Variants in EBF1 observed in about 807,000 individuals in gnomAD.
EBF1 encodes the protein transcription factor COE1.
In EBF1, 10 loss-of-function variants were observed where a neutral mutation model predicts 68.4. That is an observed-to-expected ratio of 0.15 (90% CI 0.09 to 0.25). The LOEUF (loss-of-function observed/expected upper bound fraction) is 0.25. Ranked by LOEUF, EBF1 falls within the 10% of genes least tolerant of loss-of-function variation. EBF1 has a pLI of 1.00. For synonymous variants in EBF1, 298 were observed against 299.8 expected (o/e 0.99, Z 0.06); for missense variants, 509 against 794.4 (o/e 0.64, Z 4.32).
At chr5:158,737,668 G>C (rs1765507121) in intron 10 of EBF1, among the ~76,000 whole-genome samples, 1 of 152,106 alleles carries the variant, frequency 6.6e-6, no homozygotes, top group African/African-American at 2.4e-5. Flanking sequence ...AGGAAGCAAG[G>C]CCTCTCTACC....
At chr5:159,041,851 T>G (rs1771257459) in intron 6 of EBF1, among the ~76,000 whole-genome samples, 1 of 152,198 alleles carries the variant, frequency 6.6e-6, no homozygotes, top group African/African-American at 2.4e-5. Flanking sequence ...AAATATTGCT[T>G]ATGATTGACA....
At chr5:158,820,038 G>A (rs948806683) in intron 8 of EBF1, among the ~76,000 whole-genome samples, 1 of 152,060 alleles carries the variant, frequency 6.6e-6, no homozygotes, top group Non-Finnish European at 1.5e-5. Context: ...TGTAAAGCAC[G>A]ATCTCTGTCT....
intron 6 of EBF1, among the ~76,000 whole-genome samples, chr5:159,060,529 C>T (rs1038066469): frequency 7.9e-5 from 12 of 152,180 alleles, no homozygotes; most frequent in Non-Finnish European, 1.8e-4. Context: ...ACAAACTATT[C>T]TCATAACCGA....
At chr5:158,841,577 A>G (rs1790339837) in intron 6 of EBF1, among the ~76,000 whole-genome samples, 2 of 152,174 alleles carry the variant, frequency 1.3e-5, no homozygotes, top group African/African-American at 4.8e-5. Flanking sequence ...CCCCATCTCA[A>G]CACAAATAGA....
At chr5:158,819,964 G>T (rs1259199856) in intron 8 of EBF1, among the ~76,000 whole-genome samples, 1 of 152,032 alleles carries the variant, frequency 6.6e-6, no homozygotes, top group Admixed American at 6.6e-5. Flanking sequence ...TGAATTACAG[G>T]GTCATTTATC....
intron 6 of EBF1, among the ~76,000 whole-genome samples, chr5:158,843,145 G>A (rs2127975689): frequency 6.6e-6 from 1 of 152,104 alleles, no homozygotes; most frequent in East Asian, 1.9e-4. Context: ...CCCTTAAGAG[G>A]GCCCCCTGCT....
chr5:158,921,292 A>G (rs1808381994), intron 6 of EBF1, among the ~76,000 whole-genome samples: 1 of 152,198 alleles, frequency 6.6e-6, no homozygotes, highest in Non-Finnish European at 1.5e-5. Context: ...TGAAATCTAC[A>G]CCTTATTCTG....
chr5:158,967,196 C>T (rs1174138454), intron 6 of EBF1, among the ~76,000 whole-genome samples: 1 of 152,210 alleles, frequency 6.6e-6, no homozygotes, highest in Admixed American at 6.5e-5. Flanking sequence ...GTGCTGGGCA[C>T]TGTACATGCA....
chr5:158,988,730 G>C (rs1319104719), intron 6 of EBF1, among the ~76,000 whole-genome samples: 3 of 152,140 alleles, frequency 2.0e-5, no homozygotes, highest in Non-Finnish European at 4.4e-5. Context: ...AATATGACAA[G>C]AAGTGCATAG....
At chr5:158,712,936 G>C in intron 13 of EBF1, 34 bp downstream of exon 13, 1 of 1,402,430 alleles carries the variant, frequency 7.1e-7, no homozygotes, top group South Asian at 1.9e-5. Flanking sequence ...GGGTGCTTAA[G>C]GTTGGGGAGG....
chr5:159,034,264 A>G (rs1769564038), intron 6 of EBF1, among the ~76,000 whole-genome samples: 1 of 152,226 alleles, frequency 6.6e-6, no homozygotes, highest in Non-Finnish European at 1.5e-5. Context: ...ATTGTGCAAT[A>G]AACAGCCCAC....
chr5:158,745,974 T>A (rs900949552), intron 10 of EBF1, among the ~76,000 whole-genome samples: 2 of 152,050 alleles, frequency 1.3e-5, no homozygotes, highest in Non-Finnish European at 2.9e-5. Flanking sequence ...AAAGAGAGGC[T>A]TAGCTAAAGT....
At chr5:159,072,067 C>T (rs1456633592) in intron 6 of EBF1, among the ~76,000 whole-genome samples, 1 of 152,184 alleles carries the variant, frequency 6.6e-6, no homozygotes, top group East Asian at 1.9e-4. Flanking sequence ...TGTAGATAAA[C>T]ATGTTATCCT....
At chr5:158,986,860 T>C (rs974039824) in intron 6 of EBF1, 4 of 152,246 alleles carry the variant, frequency 2.6e-5, no homozygotes, top group East Asian at 1.9e-4. Flanking sequence ...TAACTTTGCA[T>C]GTGCACTTCC....
At chr5:159,052,530 T>C (rs2127825394) in intron 6 of EBF1, among the ~76,000 whole-genome samples, 1 of 152,352 alleles carries the variant, frequency 6.6e-6, no homozygotes, top group Middle Eastern at 3.4e-3. Context: ...AGCCACAGCC[T>C]GTCAAGATGA....
intron 6 of EBF1, among the ~76,000 whole-genome samples, chr5:159,050,370 T>C (rs754949830): frequency 2.6e-5 from 4 of 152,082 alleles, no homozygotes; most frequent in African/African-American, 7.2e-5. Flanking sequence ...ACCAGGACCA[T>C]CAGTCCTCCC....
chr5:158,854,369 C>T (rs1030833861), intron 6 of EBF1, among the ~76,000 whole-genome samples: 1 of 152,306 alleles, frequency 6.6e-6, no homozygotes, highest in East Asian at 1.9e-4. Flanking sequence ...TTTTAAGGAT[C>T]GCATCACTTG....
At chr5:158,800,942 C>T (rs1780463144) in intron 8 of EBF1, among the ~76,000 whole-genome samples, 1 of 152,152 alleles carries the variant, frequency 6.6e-6, no homozygotes, top group Non-Finnish European at 1.5e-5. Context: ...TTAATTAATA[C>T]AAGATTCTTT....
At chr5:158,967,384 T>C (rs2127550553) in intron 6 of EBF1, among the ~76,000 whole-genome samples, 1 of 152,326 alleles carries the variant, frequency 6.6e-6, no homozygotes, top group Admixed American at 6.5e-5. Flanking sequence ...AGCCCTTTTC[T>C]ATGGAACACA....
Sources: gnomAD v4.1 joint callset for allele counts (sites outside exome capture counted in the v4.1 genomes callset) on GRCh38, gnomAD v4.1.1 for gene constraint, MANE v1.5 for transcripts, NCBI Gene and HGNC (gene_info 2026-07-23, HGNC 2026-07-21) for gene names.